GRIA2: variants seen among roughly 807,000 people sequenced by gnomAD.
GRIA2 encodes glutamate receptor 2.
In GRIA2, 14 loss-of-function variants were observed where a neutral mutation model predicts 97.3. The ratio of observed to expected loss-of-function variants is 0.14; its 90% confidence interval spans 0.10 to 0.23. GRIA2 has a LOEUF of 0.23. GRIA2 is among the 10% of genes least tolerant of loss of function. The pLI is 1.00. For missense variants in GRIA2, 558 were observed against 1,069.8 expected (o/e 0.52, Z 6.67); for synonymous variants, 412 against 387.8 (o/e 1.06, Z -0.73).
chr4:157,293,858 C>G (rs1435928837), intron 2 of GRIA2, among the ~76,000 whole-genome samples: 1 of 152,018 alleles, frequency 6.6e-6, no homozygotes, highest in Non-Finnish European at 1.5e-5. Context: ...TACCAGGACT[C>G]AATGCATCAA....
intron 2 of GRIA2, among the ~76,000 whole-genome samples, chr4:157,227,441 G>C (rs1306144718): frequency 6.6e-6 from 1 of 152,156 alleles, no homozygotes; most frequent in African/African-American, 2.4e-5. Context: ...CAAGTTTTCA[G>C]AGAGTATGTG....
At chr4:157,343,746 A>G (rs571616747) in intron 12 of GRIA2, among the ~76,000 whole-genome samples, 1 of 152,234 alleles carries the variant, frequency 6.6e-6, no homozygotes, top group African/African-American at 2.4e-5. Flanking sequence ...ATGCATCACC[A>G]AAGAGAATAG....
At chr4:157,355,761 AGT>A (rs1396701185) in intron 12 of GRIA2, among the ~76,000 whole-genome samples, 1 of 54,628 alleles carries the variant, frequency 1.8e-5, no homozygotes, top group South Asian at 1.4e-3. Flanking sequence ...TACATATATT[AGT>A]TATATATATT....
chr4:157,363,303 T>C, intron 15 of GRIA2, 132 bp from the exon 16 acceptor site: 3 of 568,538 alleles, frequency 5.3e-6, no homozygotes, highest in Non-Finnish European at 8.0e-6. Flanking sequence ...CTTTGCACTG[T>C]TTGCTTTCAT....
chr4:157,332,739 A>G, intron 6 of GRIA2, 80 bp from the exon 7 acceptor site: 1 of 954,428 alleles, frequency 1.0e-6, no homozygotes, highest in Non-Finnish European at 1.6e-6. Context: ...TGTGCTGAGC[A>G]ACTGCAGTCT....
chr4:157,330,507 C>T (rs921133087), intron 6 of GRIA2, among the ~76,000 whole-genome samples: 2 of 151,804 alleles, frequency 1.3e-5, no homozygotes, highest in Non-Finnish European at 2.9e-5. Context: ...CTTTTATGTT[C>T]ATTAAATTTG....
intron 12 of GRIA2, among the ~76,000 whole-genome samples, chr4:157,349,370 A>G (rs1735903122): frequency 1.3e-5 from 2 of 151,708 alleles, no homozygotes; most frequent in Non-Finnish European, 2.9e-5. Flanking sequence ...TTGAAATCAA[A>G]TTCAGTGCTG....
At chr4:157,290,944 C>T (rs911570136) in intron 2 of GRIA2, among the ~76,000 whole-genome samples, 3 of 151,868 alleles carry the variant, frequency 2.0e-5, no homozygotes, top group Non-Finnish European at 4.4e-5. Context: ...CTGCAATATA[C>T]TCTGTGATTT....
intron 2 of GRIA2, among the ~76,000 whole-genome samples, chr4:157,260,226 T>G (rs1731466966): frequency 6.6e-6 from 1 of 152,122 alleles, no homozygotes; most frequent in Admixed American, 6.6e-5. Flanking sequence ...ATTCATTCTC[T>G]CTCTCCCAGA....
intron 11 of GRIA2, 32 bp downstream of exon 11, chr4:157,336,779 T>C (rs1257036697): frequency 8.8e-6 from 14 of 1,586,556 alleles, no homozygotes; most frequent in Non-Finnish European, 1.2e-5. Flanking sequence ...ACTTTGTGCA[T>C]TTCAGGTCTC....
rs534692521 is a variant in GRIA2, at chr4:157,365,814, T to G, written c.*2383T>G. The G allele has an allele frequency of 6.6e-6, 1 of 152,074 alleles. No homozygotes were observed. Among genetic ancestry groups the G allele is most frequent in the East Asian group, 1.9e-4 (1 of 5,166 alleles). The allele number at this position is 152,074 out of a possible 1,614,324, so 9.4% of individuals were successfully genotyped here. A position where few individuals can be genotyped will look rare whatever the true frequency, so the allele number is the denominator to read the frequency against. Reference sequence around the variant, plus strand: ...CCAAAATGTTTATGAACTATTCTTATGTAAATTTACAATTGTCCTTTACTG... The same window carrying G: ...CCAAAATGTTTATGAACTATTCTTAGGTAAATTTACAATTGTCCTTTACTG... On this transcript the variant is annotated 3_prime_UTR_variant, in exon 16 of 16. Transcript: ENST00000264426.
chr4:157,339,508 TAA>T (rs779599893), intron 11 of GRIA2, among the ~76,000 whole-genome samples: 1 of 151,954 alleles, frequency 6.6e-6, no homozygotes, highest in African/African-American at 2.4e-5. Context: ...GAATTATTTA[TAA>T]GTCCAATAAA....
intron 2 of GRIA2, among the ~76,000 whole-genome samples, chr4:157,278,882 C>T (rs1732468834): frequency 6.6e-6 from 1 of 151,962 alleles, no homozygotes; most frequent in African/African-American, 2.4e-5. Flanking sequence ...AAAAGACTTT[C>T]CACATCATAT....
At chr4:157,283,133 C>A (rs1218247100) in intron 2 of GRIA2, among the ~76,000 whole-genome samples, 2 of 151,842 alleles carry the variant, frequency 1.3e-5, no homozygotes, top group Non-Finnish European at 2.9e-5. Flanking sequence ...TATGTAAAAG[C>A]TTTTCCATAT....
At chr4:157,299,922 C>T (rs1733538822) in intron 2 of GRIA2, among the ~76,000 whole-genome samples, 1 of 152,154 alleles carries the variant, frequency 6.6e-6, no homozygotes, top group Non-Finnish European at 1.5e-5. Context: ...ATAATAGTGT[C>T]TCACAGTGTT....
At chr4:157,319,123 T>C (rs1317550622) in intron 5 of GRIA2, among the ~76,000 whole-genome samples, 1 of 152,158 alleles carries the variant, frequency 6.6e-6, no homozygotes, top group African/African-American at 2.4e-5. Context: ...ATTAAGATGC[T>C]AAGGACTCCC....
intron 2 of GRIA2, among the ~76,000 whole-genome samples, chr4:157,286,146 A>G (rs931083081): frequency 6.6e-6 from 1 of 151,570 alleles, no homozygotes; most frequent in African/African-American, 2.4e-5. Flanking sequence ...TATAGAATCT[A>G]TTATGTAGAA....
chr4:157,322,434 G>T (rs750657698), intron 6 of GRIA2, among the ~76,000 whole-genome samples: 1 of 152,082 alleles, frequency 6.6e-6, no homozygotes, highest in South Asian at 2.1e-4. Flanking sequence ...TGTTCCTCAG[G>T]TATAAGAGCT....
Position 157,336,763 on chromosome 4 carries a change from G to T in GRIA2, c.1844+16G>T, listed in dbSNP as rs186595767. ...TTTCGCCAAGGTTGGTTACTCACCTGCTTCAACTTTGTGCATTTCAGGTCT... is the reference window on the plus strand; with the variant it reads ...TTTCGCCAAGGTTGGTTACTCACCTTCTTCAACTTTGTGCATTTCAGGTCT... On this transcript the variant is annotated intron_variant, in intron 11 of 15. Coordinates refer to ENST00000264426, the MANE Select transcript of GRIA2 (RefSeq NM_001083619.3). 5 of 1,599,884 alleles carry T rather than the reference G, an allele frequency of 3.1e-6. No homozygotes were observed. The highest frequency in any genetic ancestry group is 1.7e-5 in the Admixed American group (1 of 59,304).
Sources: gnomAD v4.1 joint callset for allele counts (sites outside exome capture counted in the v4.1 genomes callset) on GRCh38, gnomAD v4.1.1 for gene constraint, MANE v1.5 for transcripts, NCBI Gene and HGNC (gene_info 2026-07-23, HGNC 2026-07-21) for gene names.